The following LONP1 variants were observed in gnomAD, a reference collection of about 807,000 sequenced individuals.
LONP1 encodes lon peptidase 1, mitochondrial, also known as lon protease homolog, mitochondrial.
Under a neutral mutation model 98.5 loss-of-function variants are expected in LONP1, and 31 were observed. The ratio of observed to expected loss-of-function variants is 0.31; its 90% CI spans 0.24 to 0.42. The LOEUF (loss-of-function observed/expected upper bound fraction) is 0.42, where lower values mean the gene tolerates loss of function less well. Among genes scored for constraint, LONP1 ranks in the 20% least tolerant of loss-of-function variants. LONP1 has a pLI of 1.00. For missense variants in LONP1, 1,336 were observed against 1,350.6 expected, an observed-to-expected ratio of 0.99 and a Z score of 0.17; for synonymous variants, 781 against 594.7, an observed-to-expected ratio of 1.31 and a Z score of -4.56.
chr19:5,716,237 T>C (rs2055315681), intron 1 of LONP1, among the ~76,000 whole-genome samples: 1 of 130,098 alleles, frequency 7.7e-6, no homozygotes, highest in South Asian at 2.6e-4. Flanking sequence ...AATTCTTTAT[T>C]ATATAATAAA....
intron 8 of LONP1, among the ~76,000 whole-genome samples, chr19:5,701,489 C>T (rs1755213048): frequency 6.6e-6 from 1 of 152,168 alleles, no homozygotes; most frequent in Non-Finnish European, 1.5e-5. Flanking sequence ...CGCCGCCACG[C>T]CTGACTGGTT....
chr19:5,703,611 A>C (rs1241220410), intron 8 of LONP1, among the ~76,000 whole-genome samples: 1 of 151,346 alleles, frequency 6.6e-6, no homozygotes, highest in Non-Finnish European at 1.5e-5. Flanking sequence ...GTCAGGGCGC[A>C]CTGCCACCCA....
At chr19:5,701,052 G>A (rs1353207170) in intron 8 of LONP1, 125 bp from the exon 9 acceptor site, 29 of 1,055,084 alleles carry the variant, frequency 2.7e-5, no homozygotes, top group Middle Eastern at 4.2e-4. Flanking sequence ...GGTGGCTCAC[G>A]CCTGTAATCC....
rs34413649 is a variant in LONP1 at position 5,719,872 on chromosome 19, C to A, written c.261G>T (p.Glu87Asp). 2,370 of 1,588,508 alleles carry A rather than the reference C, an allele frequency of 1.5e-3. 29 individuals carry two copies. The African/African-American group carries it at 0.027, about 18-fold the overall frequency. ...GAFSGGEDAS[E>D]GGAEEGAGGA... The stretch of plus-strand genomic sequence containing the variant: ...CGCCGGCTCCTTCCTCCGCGCCGCC[C>A]TCGGAGGCGTCCTCGCCCCCCGAGA... The change falls in exon 1 of 18, where the codon GAG (glutamate) becomes GAT (aspartate). Residue 87 changes from glutamate to aspartate, a missense_variant. This residue lies in a region of LONP1 where 457 missense variants were observed against 403.1 expected (regional missense o/e 1.13). Coordinates refer to ENST00000360614, the MANE Select transcript of LONP1 (RefSeq NM_004793.4).
intron 1 of LONP1, among the ~76,000 whole-genome samples, chr19:5,719,089 CAG>C (rs1568331205): frequency 6.6e-6 from 1 of 152,134 alleles, no homozygotes. Context: ...TTTTAAGAGA[CAG>C]GGTCTCGCCA....
chr19:5,719,814 G>A lies in LONP1; in HGVS notation c.319C>T (p.Pro107Ser), dbSNP rs1340757916. ...AGGSAGAGEG[P>S]VITALTPMTI... ...ATGGGCGTGAGCGCCGTTATGACCG[G>A]GCCTTCCCCGGCGCCCGCGCTGCCC... The change falls in exon 1 of 18, where the codon CCG (proline) becomes TCG (serine). Residue 107 changes from proline to serine, a missense_variant. Pro to Ser is a moderately conservative substitution (Grantham distance 74). This residue lies in a region of LONP1 where 457 missense variants were observed against 403.1 expected (regional missense o/e 1.13). Transcript: ENST00000360614. The A allele has an allele frequency of 1.2e-6, 2 of 1,611,240 alleles. No homozygotes were observed. The highest frequency in any genetic ancestry group is 1.3e-5 in the African/African-American group (1 of 74,902).
chr19:5,703,678 T>G (rs1329833474), intron 8 of LONP1, among the ~76,000 whole-genome samples: 2 of 150,850 alleles, frequency 1.3e-5, no homozygotes, highest in African/African-American at 4.9e-5. Flanking sequence ...TGCTGGAGTT[T>G]AGAGACACAT....
intron 2 of LONP1, among the ~76,000 whole-genome samples, chr19:5,713,480 G>C (rs913366946): frequency 1.3e-5 from 2 of 152,190 alleles, no homozygotes; most frequent in Non-Finnish European, 1.5e-5. Context: ...TCCTCGCTAA[G>C]TCAGCCACAA....
Position 5,707,762 on chromosome 19 carries a change from C to A in LONP1, c.997G>T (p.Asp333Tyr), listed in dbSNP as rs1002299117. 5 of 1,613,344 alleles carry A rather than the reference C, an allele frequency of 3.1e-6. No homozygotes were observed. Among genetic ancestry groups the A allele is most frequent in the East Asian group, 2.2e-5 (1 of 44,872 alleles). The change falls in exon 6 of 18, where the codon GAC (aspartate) becomes TAC (tyrosine). Residue 333 changes from aspartate to tyrosine, a missense_variant. Asp to Tyr is a radical substitution (Grantham distance 160). This residue lies in a region of LONP1 where 97 missense variants were observed against 139.0 expected (regional missense o/e 0.70). Transcript: ENST00000360614. ...GCCCCGGTGAGCGCGGCGCCCATGTCGCTCAGGTAGATGGGGTTGTCCACC... is the reference window on the plus strand; with the variant it reads ...GCCCCGGTGAGCGCGGCGCCCATGTAGCTCAGGTAGATGGGGTTGTCCACC... ...RVVDNPIYLS[D>Y]MGAALTGAES...
At chr19:5,714,154 C>T in intron 2 of LONP1, 29 bp downstream of exon 2, 1 of 1,577,706 alleles carries the variant, frequency 6.3e-7, no homozygotes, top group South Asian at 1.1e-5. Context: ...GCACCGTCAA[C>T]AAGGGAATGA....
Position 5,705,881 on chromosome 19 carries a change from T to A in LONP1, c.1258A>T (p.Lys420Ter). Residue 420 changes from lysine to a stop codon, truncating the protein, a stop_gained, in exon 8 of 18, where the codon AAG (lysine) becomes TAG (stop). Coordinates refer to ENST00000360614, the MANE Select transcript of LONP1 (RefSeq NM_004793.4). LOFTEE classifies it high-confidence loss of function. ...EKDDKDAIEEKFRERLKELVV... is the reference protein window; with the variant it reads ...EKDDKDAIEE ...AGCTCCTTCAGGCGCTCCCGGAACT[T>A]CTCCTCGATGGCATCCTTGTCGTCC... is the stretch of plus-strand genomic sequence containing the variant. The A allele has an allele frequency of 6.2e-7, 1 of 1,614,124 alleles. No individual in the cohort carries two copies. Among genetic ancestry groups the A allele is most frequent in the South Asian group, 1.1e-5 (1 of 91,076 alleles).
At chr19:5,703,159 C>A (rs1229272654) in intron 8 of LONP1, among the ~76,000 whole-genome samples, 1 of 130,816 alleles carries the variant, frequency 7.6e-6, no homozygotes, top group Non-Finnish European at 1.6e-5. Flanking sequence ...CCAGCCTGGG[C>A]AACAGAGTGA....
intron 1 of LONP1, among the ~76,000 whole-genome samples, chr19:5,716,660 T>A (rs1231804040): frequency 6.6e-6 from 1 of 152,012 alleles, no homozygotes; most frequent in African/African-American, 2.4e-5. Flanking sequence ...ACAGAACGCT[T>A]GTACCTCTGT....
intron 8 of LONP1, among the ~76,000 whole-genome samples, chr19:5,702,990 C>T (rs927883103): frequency 4.1e-5 from 6 of 147,430 alleles, no homozygotes; most frequent in African/African-American, 1.0e-4. Context: ...TCCCCCTCTG[C>T]GAGAAACACC....
At chr19:5,709,509 C>T (rs1418967840) in intron 4 of LONP1, among the ~76,000 whole-genome samples, 10 of 151,658 alleles carry the variant, frequency 6.6e-5, no homozygotes, top group Non-Finnish European at 1.5e-4. Context: ...TCCAAAGAAA[C>T]CGTAATCACC....
intron 4 of LONP1, among the ~76,000 whole-genome samples, chr19:5,711,255 G>C (rs976447694): frequency 1.3e-5 from 2 of 152,242 alleles, no homozygotes; most frequent in Non-Finnish European, 2.9e-5. Flanking sequence ...CAGGCCTTTG[G>C]TTAGCTTCGC....
intron 2 of LONP1, among the ~76,000 whole-genome samples, chr19:5,713,499 T>C (rs2055269238): frequency 6.6e-6 from 1 of 152,170 alleles, no homozygotes; most frequent in Non-Finnish European, 1.5e-5. Flanking sequence ...AAAGACATGG[T>C]CCAGGTGGGA....
intron 8 of LONP1, among the ~76,000 whole-genome samples, chr19:5,703,337 GAGGCTTAGAAAATGGGACA>G (rs2055091114): frequency 6.6e-6 from 1 of 152,174 alleles, no homozygotes; most frequent in Non-Finnish European, 1.5e-5. Context: ...CAGAGGGGAC[GAGGCTTAGAAAATGGGACA>G]AGGCCTGACC....
chr19:5,692,593 C>CG (rs1485059661), intron 17 of LONP1, among the ~76,000 whole-genome samples: 1 of 152,134 alleles, frequency 6.6e-6, no homozygotes, highest in Non-Finnish European at 1.5e-5. Context: ...CCAGGCCCTG[C>CG]GTCACCCCCC....
Sources: allele counts gnomAD v4.1 joint callset (sites outside exome capture counted in the v4.1 genomes callset), GRCh38; gene constraint gnomAD v4.1.1; regional missense constraint gnomAD v4.1.1; transcripts MANE v1.5; gene names NCBI Gene and HGNC (gene_info 2026-07-23, HGNC 2026-07-21).